The following TSPEAR variants were observed in gnomAD, a reference collection of about 807,000 sequenced individuals.
TSPEAR encodes thrombospondin type laminin G domain and EAR repeats, also known as thrombospondin-type laminin G domain and EAR repeat-containing protein.
A neutral mutation model predicts 71.6 loss-of-function variants in TSPEAR; 69 were observed. That is an observed-to-expected ratio of 0.96 (90% CI 0.79 to 1.18). The LOEUF (loss-of-function observed/expected upper bound fraction) is 1.18. Among genes scored for constraint, TSPEAR ranks in the 50% most tolerant of loss-of-function variants. The pLI, the probability that TSPEAR is intolerant of heterozygous loss-of-function variation, is 0.00. For missense variants in TSPEAR, 971 were observed against 894.9 expected (o/e 1.09, Z -1.09); for synonymous variants, 402 against 387.2 (o/e 1.04, Z -0.45).
chr21:44,555,042 A>G lies in TSPEAR; in HGVS notation c.303+12743T>C, dbSNP rs114705779. On this transcript the variant is annotated intron_variant, in intron 2 of 11. Transcript: ENST00000323084. ...ATTTATTGGTACAATTAAAAACAGA[A>G]TGTATATTTTTCAAAACAGCAAATA... 9.2e-3 allele frequency among the ~76,000 whole-genome samples: 1,396 copies of G among 152,352 alleles called. 26 individuals carry two copies. Among genetic ancestry groups the G allele is most frequent in the African/African-American group, 0.032 (1,321 of 41,574 alleles).
intron 1 of TSPEAR, among the ~76,000 whole-genome samples, chr21:44,624,357 C>G (rs115631136): frequency 0.013 from 1,927 of 152,304 alleles, 46 homozygotes; most frequent in African/African-American, 0.044. Flanking sequence ...ATTCTAATAT[C>G]TAAAGGTCCT....
In TSPEAR at chr21:44,666,392, G is replaced by A. The variant is rs1163744025; in HGVS notation, c.82+45041C>T. On this transcript the variant is annotated intron_variant, in intron 1 of 11. Transcript: ENST00000323084. ...GACCAACTGAGGACTCATCCAGGGA[G>A]TGTACAGGTGTGGCCTCATCTGCAC... 5 of 1,522,030 alleles carry A rather than the reference G, an allele frequency of 3.3e-6. No homozygotes were observed. In the African/African-American group the frequency reaches 4.1e-5, roughly 13 times the overall value. The allele number at this position is 1,522,030 out of a possible 1,614,324, so 94.3% of individuals were successfully genotyped here. A position where few individuals can be genotyped will look rare whatever the true frequency, so the allele number is the denominator to read the frequency against.
At chr21:44,627,665 A>G (rs1555934770) in intron 1 of TSPEAR, 3 of 1,612,710 alleles carry the variant, frequency 1.9e-6, no homozygotes, top group Admixed American at 1.7e-5. Flanking sequence ...TGCTGCCAAC[A>G]GTCTAGCTGC....
chr21:44,655,782 G>A (rs1297311107), intron 1 of TSPEAR, among the ~76,000 whole-genome samples: 2 of 152,046 alleles, frequency 1.3e-5, no homozygotes, highest in African/African-American at 4.8e-5. Flanking sequence ...GGTGTCACAC[G>A]GTGGGGGATG....
At chr21:44,618,268 C>G (rs1002756830) in intron 1 of TSPEAR, among the ~76,000 whole-genome samples, 1 of 152,210 alleles carries the variant, frequency 6.6e-6, no homozygotes, top group African/African-American at 2.4e-5. Flanking sequence ...GCTTCTCTCT[C>G]CTGCCACCAT....
At chr21:44,679,864 C>G (rs587656501) in intron 1 of TSPEAR, among the ~76,000 whole-genome samples, 9 of 152,254 alleles carry the variant, frequency 5.9e-5, no homozygotes, top group African/African-American at 1.9e-4. Context: ...ATCCCTACCT[C>G]TCATCATATA....
At chr21:44,532,981 C>T (rs1008687617) in intron 3 of TSPEAR, among the ~76,000 whole-genome samples, 19 of 152,336 alleles carry the variant, frequency 1.2e-4, no homozygotes, top group African/African-American at 4.3e-4. Flanking sequence ...GAAGGAGTTA[C>T]TCTGACTTCC....
chr21:44,676,758 C>A, intron 1 of TSPEAR: 1 of 807,082 alleles, frequency 1.2e-6, no homozygotes, highest in Non-Finnish European at 2.2e-6. Flanking sequence ...CCTATTCAGC[C>A]TGCATTTTAC....
intron 1 of TSPEAR, chr21:44,579,685 C>T: frequency 1.3e-6 from 2 of 1,546,056 alleles, no homozygotes; most frequent in South Asian, 2.5e-5. Flanking sequence ...CGGGGGCAAC[C>T]TCCTAACCCG....
intron 1 of TSPEAR, among the ~76,000 whole-genome samples, chr21:44,579,271 GCTGAGCCGGGA>G (rs1451620172): frequency 6.6e-6 from 1 of 152,166 alleles, no homozygotes; most frequent in Non-Finnish European, 1.5e-5. Flanking sequence ...AGGCATGGAG[GCTGAGCCGGGA>G]CTGAGCCTTC....
At chr21:44,709,727 G>A (rs1165575575) in intron 1 of TSPEAR, among the ~76,000 whole-genome samples, 1 of 152,256 alleles carries the variant, frequency 6.6e-6, no homozygotes, top group Non-Finnish European at 1.5e-5. Context: ...AGCCAGCGGG[G>A]CCCACGCTAA....
chr21:44,702,179 C>T, intron 1 of TSPEAR: 1 of 1,489,702 alleles, frequency 6.7e-7, no homozygotes, highest in Non-Finnish European at 9.1e-7. Context: ...CCACCATCCA[C>T]CCCACAGAGC....
chr21:44,689,886 A>G (rs797025617), intron 1 of TSPEAR, among the ~76,000 whole-genome samples: 30 of 151,606 alleles, frequency 2.0e-4, no homozygotes, highest in African/African-American at 7.3e-4. Flanking sequence ...AGCATCCAGC[A>G]CAGCAGAAAG....
Position 44,517,746 on chromosome 21 carries a change from G to A in TSPEAR, c.1566+4137C>T, listed in dbSNP as rs143658273. The A allele has an allele frequency of 4.2e-3, 1,978 of 471,040 alleles. 28 individuals are homozygous for A. The highest frequency in any genetic ancestry group is 1.6e-3 in the Admixed American group (70 of 42,588). 29.2% of individuals were successfully genotyped at this position (471,040 alleles called of 1,614,324 possible). On this transcript the variant is annotated intron_variant, in intron 9 of 11. Transcript: ENST00000323084. ...TGCGGGGGCTCTGTGGACATCACTC[G>A]CCTTCAGAACACTGAGCCCTCCTAC...
intron 1 of TSPEAR, among the ~76,000 whole-genome samples, chr21:44,624,965 T>G (rs973282470): frequency 2.0e-5 from 3 of 152,296 alleles, no homozygotes; most frequent in Admixed American, 2.0e-4. Flanking sequence ...TCCTAACTTT[T>G]CTCAGCTAGA....
intron 1 of TSPEAR, chr21:44,681,688 T>C: frequency 8.8e-7 from 1 of 1,136,052 alleles, no homozygotes; most frequent in Non-Finnish European, 1.2e-6. Context: ...GATCATTCTA[T>C]TATATTCTCG....
chr21:44,625,241 T>G (rs1457097641), intron 1 of TSPEAR, among the ~76,000 whole-genome samples: 1 of 152,080 alleles, frequency 6.6e-6, no homozygotes, highest in Non-Finnish European at 1.5e-5. Flanking sequence ...CTTTGAAGAA[T>G]GGGAGCTGAG....
chr21:44,577,204 G>A (rs151036502), intron 1 of TSPEAR, among the ~76,000 whole-genome samples: 11 of 152,166 alleles, frequency 7.2e-5, no homozygotes, highest in African/African-American at 1.4e-4. Context: ...TCAGTTGTCC[G>A]AGCTTCCAGC....
intron 1 of TSPEAR, among the ~76,000 whole-genome samples, chr21:44,571,670 G>A (rs973348790): frequency 5.3e-5 from 8 of 152,324 alleles, no homozygotes; most frequent in East Asian, 3.9e-4. Flanking sequence ...GAGGGACAGC[G>A]TGTTGAAAGG....
Sources: allele counts gnomAD v4.1 joint callset (sites outside exome capture counted in the v4.1 genomes callset), GRCh38; gene constraint gnomAD v4.1.1; transcripts MANE v1.5; gene names NCBI Gene and HGNC (gene_info 2026-07-23, HGNC 2026-07-21).